KCNU1: variants seen among roughly 807,000 people sequenced by gnomAD.
KCNU1 encodes the protein potassium calcium-activated channel subfamily U member 1.
Under a neutral mutation model 126.8 loss-of-function variants are expected in KCNU1, and 93 were observed. The ratio of observed to expected loss-of-function variants is 0.73; its 90% confidence interval spans 0.62 to 0.87. KCNU1 has a LOEUF of 0.87. Among genes scored for constraint, KCNU1 ranks in the 40% least tolerant of loss-of-function variants. The pLI is 0.00. For missense variants in KCNU1, 1,330 were observed against 1,367.1 expected (o/e 0.97, Z 0.43); for synonymous variants, 523 against 494.2 (o/e 1.06, Z -0.77).
intron 2 of KCNU1, among the ~76,000 whole-genome samples, chr8:36,787,789 A>T (rs902795413): frequency 2.0e-5 from 3 of 147,828 alleles, no homozygotes; most frequent in Admixed American, 6.8e-5. Context: ...TAGTAATTAT[A>T]TTCTTACTAA....
At chr8:36,899,098 C>T (rs1221911328) in intron 19 of KCNU1, among the ~76,000 whole-genome samples, 2 of 152,016 alleles carry the variant, frequency 1.3e-5, no homozygotes, top group Non-Finnish European at 2.9e-5. Flanking sequence ...GATGCCTATA[C>T]AAATTCATAG....
chr8:36,905,021 T>TTTCTTATTCTCTCACAA (rs1807568368), intron 19 of KCNU1, among the ~76,000 whole-genome samples: 1 of 152,142 alleles, frequency 6.6e-6, no homozygotes, highest in African/African-American at 2.4e-5. Flanking sequence ...CAAGCAAATA[T>TTTCTTATTCTCTCACAA]GCATTCCTTA....
chr8:36,826,058 G>A (rs533586807), intron 10 of KCNU1, among the ~76,000 whole-genome samples: 51 of 152,004 alleles, frequency 3.4e-4, no homozygotes, highest in Non-Finnish European at 6.8e-4. Flanking sequence ...AGGATTCTCA[G>A]TTATTATAAT....
At chr8:36,808,652 G>T in intron 6 of KCNU1, 66 bp from the exon 7 acceptor site, 1 of 945,782 alleles carries the variant, frequency 1.1e-6, no homozygotes. Flanking sequence ...ACATCTTAGA[G>T]GATGAGGTGT....
rs1420113567 is a variant in KCNU1, at chr8:36,784,614, C to A, written c.195+9C>A. 1 of 1,600,088 alleles carries A rather than the reference C, an allele frequency of 6.2e-7. No homozygotes were observed. Among genetic ancestry groups the A allele is most frequent in the Admixed American group, 1.7e-5 (1 of 59,046 alleles). On this transcript the variant is annotated intron_variant, in intron 1 of 26. Transcript: ENST00000399881. ...GAACAGGAATTATCTTGGTCAGTTT[C>A]CTTGTTAGGGATCCCTCTGTGTGAA...
intron 2 of KCNU1, among the ~76,000 whole-genome samples, chr8:36,796,913 T>C (rs965500618): frequency 1.1e-4 from 17 of 152,198 alleles, no homozygotes; most frequent in African/African-American, 4.1e-4. Flanking sequence ...TTATAATATT[T>C]GGAGATTAAA....
At chr8:36,851,881 CTAAT>C (rs1426192408) in intron 18 of KCNU1, among the ~76,000 whole-genome samples, 1 of 151,998 alleles carries the variant, frequency 6.6e-6, no homozygotes. Flanking sequence ...ATTTTCTTGC[CTAAT>C]TATTGTGGCA....
chr8:36,886,158 A>G (rs1186853050), intron 19 of KCNU1, among the ~76,000 whole-genome samples: 2 of 152,194 alleles, frequency 1.3e-5, no homozygotes, highest in East Asian at 1.9e-4. Flanking sequence ...GGAAAACCCA[A>G]AGACAACAAA....
At chr8:36,846,952 A>G (rs1257828331) in intron 18 of KCNU1, among the ~76,000 whole-genome samples, 1 of 152,136 alleles carries the variant, frequency 6.6e-6, no homozygotes, top group Non-Finnish European at 1.5e-5. Context: ...TCAGAATGCT[A>G]TTTAAATGCA....
intron 7 of KCNU1, among the ~76,000 whole-genome samples, chr8:36,810,833 G>A (rs185435336): frequency 1.4e-3 from 220 of 151,908 alleles, no homozygotes; most frequent in African/African-American, 5.0e-3. Flanking sequence ...ATTTGCCCAA[G>A]GGAACAAAGG....
At position 36,836,810 on chromosome 8, in the gene KCNU1, T is replaced by A; in HGVS notation, c.1383T>A (p.Ile461=). ...TGGAACAGGTTTATCTGCCAAAGAT[T>A]CCCAGCTGGAACTGGGACACCGGAG... is the stretch of plus-strand genomic sequence containing the variant. The part of the protein sequence containing the change: ...QSHNKVYLPK[I]PSWNWDTGDN... Residue 461 remains isoleucine (I), a synonymous_variant, in exon 14 of 27, where the codon ATT becomes ATA. Transcript: ENST00000399881. 6.2e-7 allele frequency: 1 copy of A among 1,613,844 alleles called. No homozygotes were observed. Among genetic ancestry groups the A allele is most frequent in the Admixed American group, 1.7e-5 (1 of 60,002 alleles).
intron 25 of KCNU1, among the ~76,000 whole-genome samples, chr8:36,931,767 G>C (rs1037760207): frequency 1.3e-5 from 2 of 152,056 alleles, no homozygotes; most frequent in Admixed American, 1.3e-4. Flanking sequence ...ACTTCTGTAC[G>C]TGGGTCTAAG....
intron 24 of KCNU1, among the ~76,000 whole-genome samples, chr8:36,925,943 C>T (rs1202967089): frequency 6.6e-6 from 1 of 152,136 alleles, no homozygotes; most frequent in Non-Finnish European, 1.5e-5. Context: ...CCCCTACAGA[C>T]CCCCAAGGCA....
At chr8:36,800,028 G>A (rs952436706) in intron 2 of KCNU1, among the ~76,000 whole-genome samples, 15 of 151,944 alleles carry the variant, frequency 9.9e-5, no homozygotes, top group Non-Finnish European at 2.2e-4. Flanking sequence ...CCTTCTGATT[G>A]TAGGCTGCAT....
At chr8:36,894,045 T>C (rs1425609441) in intron 19 of KCNU1, among the ~76,000 whole-genome samples, 1 of 152,064 alleles carries the variant, frequency 6.6e-6, no homozygotes, top group Non-Finnish European at 1.5e-5. Flanking sequence ...ATGAAAAAAT[T>C]TTCGATTAAC....
chr8:36,817,853 A>T (rs1439357236), intron 10 of KCNU1, 93 bp downstream of exon 10: 3 of 647,948 alleles, frequency 4.6e-6, no homozygotes, highest in African/African-American at 1.8e-5. Context: ...CACAATATTT[A>T]TAGAAAAAGT....
At chr8:36,913,015 C>T (rs1359233650) in intron 22 of KCNU1, among the ~76,000 whole-genome samples, 1 of 139,210 alleles carries the variant, frequency 7.2e-6, no homozygotes, top group Admixed American at 7.2e-5. Flanking sequence ...AATGCATGCA[C>T]AATATAAGCC....
intron 10 of KCNU1, among the ~76,000 whole-genome samples, chr8:36,823,344 T>A (rs997058623): frequency 2.2e-4 from 34 of 152,170 alleles, no homozygotes; most frequent in African/African-American, 7.7e-4. Context: ...TTTCTTCAAA[T>A]TTTAAGTCTA....
At chr8:36,855,399 C>T (rs1431520589) in intron 18 of KCNU1, among the ~76,000 whole-genome samples, 1 of 151,970 alleles carries the variant, frequency 6.6e-6, no homozygotes, top group Non-Finnish European at 1.5e-5. Context: ...AAAAGAAAAG[C>T]CATTCAAGTA....
Sources: gnomAD v4.1 joint callset for allele counts (sites outside exome capture counted in the v4.1 genomes callset) on GRCh38, gnomAD v4.1.1 for gene constraint, MANE v1.5 for transcripts, NCBI Gene and HGNC (gene_info 2026-07-23, HGNC 2026-07-21) for gene names.